The following IGF2R variants were observed in gnomAD, a reference collection of about 807,000 sequenced individuals.
IGF2R encodes insulin like growth factor 2 receptor.
Under a neutral mutation model 270.6 loss-of-function variants are expected in IGF2R, and 91 were observed. The observed-to-expected ratio is 0.34, with a 90% confidence interval of 0.28 to 0.40. The LOEUF (loss-of-function observed/expected upper bound fraction) is 0.40, where lower values mean the gene tolerates loss of function less well. Among genes scored for constraint, IGF2R ranks in the 10% least tolerant of loss-of-function variants. IGF2R has a pLI of 1.00. For synonymous variants in IGF2R, 1,316 were observed against 1,258.9 expected, an observed-to-expected ratio of 1.05 and a Z score of -0.96; for missense variants, 2,805 against 3,188.3, an observed-to-expected ratio of 0.88 and a Z score of 2.90.
Position 160,063,527 on chromosome 6 carries a change from C to T in IGF2R, c.3783C>T (p.Val1261=), listed in dbSNP as rs1186001666. 3.1e-6 allele frequency: 5 copies of T among 1,614,188 alleles called. No individual in the cohort carries two copies. The South Asian group carries it at 3.3e-5, about 11-fold the overall frequency. The change falls in exon 27 of 48, where the codon GTC becomes GTT. Residue 1261 remains valine (V), a synonymous_variant. Transcript: ENST00000356956. ...GCGAATACACTTATTACTTCCGGGT[C>T]TGTGGGAAGCTTTCCTCAGACGTCT... The part of the protein sequence containing the change: ...SAGEYTYYFR[V]CGKLSSDVCP...
At chr6:160,097,066 T>C (rs1257680751) in intron 45 of IGF2R, among the ~76,000 whole-genome samples, 1 of 152,250 alleles carries the variant, frequency 6.6e-6, no homozygotes, top group African/African-American at 2.4e-5. Flanking sequence ...CACTTTGATT[T>C]GAGTGCAGTA....
intron 1 of IGF2R, among the ~76,000 whole-genome samples, chr6:159,974,534 A>T (rs1247495756): frequency 6.6e-6 from 1 of 152,176 alleles, no homozygotes; most frequent in Non-Finnish European, 1.5e-5. Context: ...GATTTAAAAA[A>T]ATTTGATGGA....
At position 159,981,426 on chromosome 6, in the gene IGF2R, G is replaced by A. The variant is rs11966182; in HGVS notation, c.150-9758G>A. On this transcript the variant is annotated intron_variant, in intron 1 of 47. Transcript: ENST00000356956. ...GATGCCTCCGGACAGGGGCCTGCCC[G>A]TCTCTCCCTCCAGTTCCTTGCCAGT... Among the ~76,000 whole-genome samples, 1,049 of 152,234 alleles carry A rather than the reference G, an allele frequency of 6.9e-3. 9 individuals carry two copies. The highest frequency in any genetic ancestry group is 0.023 in the African/African-American group (974 of 41,546).
intron 12 of IGF2R, among the ~76,000 whole-genome samples, chr6:160,044,156 C>A (rs915054446): frequency 6.6e-5 from 10 of 152,178 alleles, no homozygotes; most frequent in Non-Finnish European, 1.0e-4. Context: ...GTAGCTGAAG[C>A]CCTGACAGTA....
chr6:160,064,743 C>G (rs1778524761), intron 28 of IGF2R, 61 bp from the exon 29 acceptor site: 1 of 1,270,234 alleles, frequency 7.9e-7, no homozygotes. Context: ...TCTTAAAACT[C>G]AAAGTATAAA....
At chr6:160,056,653 A>G (rs1043493414) in intron 20 of IGF2R, 128 bp downstream of exon 20, 8 of 685,510 alleles carry the variant, frequency 1.2e-5, no homozygotes, top group South Asian at 3.2e-5. Flanking sequence ...TGCATTGACA[A>G]TGGGTGTCTG....
chr6:160,016,265 G>A lies in IGF2R; in HGVS notation c.513+5480G>A, dbSNP rs375036587. 4.6e-5 allele frequency among the ~76,000 whole-genome samples: 7 copies of A among 152,186 alleles called. 1 individual carries two copies. Among genetic ancestry groups the A allele is most frequent in the African/African-American group, 1.7e-4 (7 of 41,494 alleles). The stretch of plus-strand genomic sequence containing the variant: ...CATGTGGGCTCTTTGATGTGGTAGA[G>A]GCGCCTCTGTCCCTCCCCAGAATGT... On this transcript the variant is annotated intron_variant, in intron 4 of 47. Coordinates refer to ENST00000356956, the MANE Select transcript of IGF2R (RefSeq NM_000876.4).
chr6:160,069,885 G>T lies in IGF2R; in HGVS notation c.4270G>T (p.Ala1424Ser), dbSNP rs1476737084. The T allele has an allele frequency of 1.2e-6, 2 of 1,614,072 alleles. No homozygotes were observed. Among genetic ancestry groups the T allele is most frequent in the East Asian group, 2.2e-5 (1 of 44,870 alleles). ...TGCTGCAGAGCCGTGCCCTCCAGAAGCAGCCGCGTGTCTGCTGGGTGGCTC... is the reference window on the plus strand; with the variant it reads ...TGCTGCAGAGCCGTGCCCTCCAGAATCAGCCGCGTGTCTGCTGGGTGGCTC... Reference protein sequence around the residue: ...QAGTEPCPPEAAACLLGGSKP... With the variant: ...QAGTEPCPPESAACLLGGSKP... Residue 1424 changes from alanine (A) to serine (S), a missense_variant, in exon 31 of 48, where the codon GCA (alanine) becomes TCA (serine). Ala to Ser is a moderately conservative substitution (Grantham distance 99). Transcript: ENST00000356956.
At chr6:159,988,889 A>G (rs189768418) in intron 1 of IGF2R, among the ~76,000 whole-genome samples, 1 of 152,274 alleles carries the variant, frequency 6.6e-6, no homozygotes, top group Admixed American at 6.5e-5. Context: ...AATACTTGTG[A>G]AACACATGAA....
At chr6:160,041,413 G>A (rs547642409) in intron 11 of IGF2R, among the ~76,000 whole-genome samples, 6 of 152,108 alleles carry the variant, frequency 3.9e-5, no homozygotes, top group African/African-American at 1.2e-4. Context: ...GTTCTCGCTC[G>A]TAAGTGGGAG....
rs897362285 is a variant in IGF2R at position 160,058,318 on chromosome 6, T to A, written c.2898+194T>A. 4.6e-5 allele frequency among the ~76,000 whole-genome samples: 7 copies of A among 152,316 alleles called. No homozygotes were observed. The South Asian group carries it at 8.3e-4, about 18-fold the overall frequency. On this transcript the variant is annotated intron_variant, in intron 21 of 47. Transcript: ENST00000356956. ...CCATTTACCACCATTCTGGCACAGT[T>A]CAGACGTGAAGACTGTTATTCTTCA...
At chr6:159,986,402 T>TTGTGTGTGTGTGTG (rs56105769) in intron 1 of IGF2R, among the ~76,000 whole-genome samples, 1 of 131,926 alleles carries the variant, frequency 7.6e-6, no homozygotes, top group Non-Finnish European at 1.6e-5. Flanking sequence ...TGGCTAATTT[T>TTGTGTGTGTGTGTG]TGTGTGTGTG....
chr6:159,988,311 T>A (rs1445266684), intron 1 of IGF2R, among the ~76,000 whole-genome samples: 1 of 151,764 alleles, frequency 6.6e-6, no homozygotes, highest in African/African-American at 2.4e-5. Flanking sequence ...ATCAGGAGAT[T>A]AAGACCATCC....
chr6:160,074,074 T>A (rs76300746), intron 35 of IGF2R, 99 bp downstream of exon 35: 2 of 808,784 alleles, frequency 2.5e-6, no homozygotes, highest in Admixed American at 4.9e-5. Context: ...TGCTCAAGCA[T>A]AAAAAAAATG....
intron 10 of IGF2R, 70 bp downstream of exon 10, chr6:160,034,592 C>G: frequency 2.9e-6 from 3 of 1,024,772 alleles, no homozygotes; most frequent in African/African-American, 1.6e-5. Flanking sequence ...TGTGCACAGG[C>G]GTGTTCTTGG....
intron 35 of IGF2R, among the ~76,000 whole-genome samples, chr6:160,074,300 C>G (rs1447454376): frequency 6.6e-6 from 1 of 152,230 alleles, no homozygotes; most frequent in Non-Finnish European, 1.5e-5. Flanking sequence ...TTGCCCTAGC[C>G]TGGTTTCTTT....
chr6:160,110,793 A>G lies in IGF2R; in HGVS notation c.*5709A>G, dbSNP rs554840466. ...GACAACATGGATGAGCTGAGAGAACATTATGCTAAGTGAAATAAGCCAGAC... is the reference window on the plus strand; with the variant it reads ...GACAACATGGATGAGCTGAGAGAACGTTATGCTAAGTGAAATAAGCCAGAC... On this transcript the variant is annotated 3_prime_UTR_variant, in exon 48 of 48. Transcript: ENST00000356956. 2.0e-5 allele frequency: 3 copies of G among 152,398 alleles called. No homozygotes were observed. Among genetic ancestry groups the G allele is most frequent in the Non-Finnish European group, 2.9e-5 (2 of 68,042 alleles). The allele number at this position is 152,398 out of a possible 1,614,324, so 9.4% of individuals were successfully genotyped here. A position where few individuals can be genotyped will look rare whatever the true frequency, so the allele number is the denominator to read the frequency against.
intron 1 of IGF2R, among the ~76,000 whole-genome samples, chr6:159,977,191 C>A (rs1203272135): frequency 6.6e-6 from 1 of 152,182 alleles, no homozygotes; most frequent in African/African-American, 2.4e-5. Flanking sequence ...AAGTTCTGCT[C>A]TGATTGCTCT....
chr6:160,074,920 A>G (rs1430991302), intron 35 of IGF2R, among the ~76,000 whole-genome samples: 1 of 152,228 alleles, frequency 6.6e-6, no homozygotes, highest in Non-Finnish European at 1.5e-5. Flanking sequence ...CCTTTCTGAC[A>G]GCGCAGACCG....
Sources: gnomAD v4.1 joint callset for allele counts (sites outside exome capture counted in the v4.1 genomes callset) on GRCh38, gnomAD v4.1.1 for gene constraint, MANE v1.5 for transcripts, NCBI Gene and HGNC (gene_info 2026-07-23, HGNC 2026-07-21) for gene names.